Variants in DLGAP2 observed in about 807,000 individuals in gnomAD.
The protein encoded by DLGAP2 is disks large-associated protein 2.
A neutral mutation model predicts 100.3 loss-of-function variants in DLGAP2; 26 were observed. That is an observed-to-expected ratio of 0.26 (90% CI 0.19 to 0.36). The LOEUF is 0.36. Ranked by LOEUF, DLGAP2 falls within the 10% of genes least tolerant of loss-of-function variation. The pLI is 1.00. For synonymous variants in DLGAP2, 886 were observed against 630.1 expected (o/e 1.41, Z -6.08); for missense variants, 1,858 against 1,453.2 (o/e 1.28, Z -4.53).
At chr8:951,506 C>T (rs555877206) in intron 2 of DLGAP2, among the ~76,000 whole-genome samples, 1 of 152,272 alleles carries the variant, frequency 6.6e-6, no homozygotes, top group South Asian at 2.1e-4. Flanking sequence ...CCGTCTTGGC[C>T]TCCCAAAGTG....
At chr8:1,348,720 G>C (rs931406854) in intron 3 of DLGAP2, among the ~76,000 whole-genome samples, 2 of 152,246 alleles carry the variant, frequency 1.3e-5, no homozygotes, top group African/African-American at 2.4e-5. Context: ...GCTGTGCGGA[G>C]GTTGAGTGCC....
At chr8:1,059,334 C>G (rs113609880) in intron 2 of DLGAP2, among the ~76,000 whole-genome samples, 12 of 117,172 alleles carry the variant, frequency 1.0e-4, no homozygotes, top group African/African-American at 4.8e-4. Flanking sequence ...CCTGCCTTCT[C>G]CGTGGAGAAG....
At chr8:1,055,986 G>C (rs1340876495) in intron 2 of DLGAP2, among the ~76,000 whole-genome samples, 1 of 152,206 alleles carries the variant, frequency 6.6e-6, no homozygotes, top group Non-Finnish European at 1.5e-5. Context: ...GGGGGGTGTT[G>C]AGATGCAGGA....
chr8:1,473,220 C>A (rs537214764), intron 3 of DLGAP2, among the ~76,000 whole-genome samples: 1 of 152,184 alleles, frequency 6.6e-6, no homozygotes, highest in Non-Finnish European at 1.5e-5. Flanking sequence ...CGTGAGCCAC[C>A]GTGCCCAGCC....
chr8:872,828 C>T (rs1289209087), intron 1 of DLGAP2, among the ~76,000 whole-genome samples: 1 of 152,140 alleles, frequency 6.6e-6, no homozygotes, highest in Non-Finnish European at 1.5e-5. Flanking sequence ...TGTCCTCCAC[C>T]CCTGCCTCCT....
intron 3 of DLGAP2, among the ~76,000 whole-genome samples, chr8:1,442,634 T>C (rs1395492779): frequency 2.8e-5 from 4 of 144,830 alleles, no homozygotes; most frequent in African/African-American, 1.0e-4. Flanking sequence ...CAGGCTGATG[T>C]GGGTTCAGCC....
chr8:1,054,721 T>G (rs1460646021), intron 2 of DLGAP2, among the ~76,000 whole-genome samples: 3 of 152,242 alleles, frequency 2.0e-5, no homozygotes, highest in African/African-American at 7.2e-5. Flanking sequence ...TTGGAAGGTT[T>G]GATTCATGGT....
chr8:1,026,967 T>G (rs968104611), intron 2 of DLGAP2, among the ~76,000 whole-genome samples: 3 of 152,254 alleles, frequency 2.0e-5, no homozygotes, highest in Non-Finnish European at 4.4e-5. Flanking sequence ...TTAAATATCA[T>G]TTACATTGTA....
intron 3 of DLGAP2, among the ~76,000 whole-genome samples, chr8:1,358,754 A>C (rs56960430): frequency 0.092 from 13,932 of 152,096 alleles, 808 homozygotes; most frequent in East Asian, 0.22. Context: ...ACCCTGGCCT[A>C]TTCTTCTGCG....
chr8:1,186,380 T>C (rs1797505357), intron 2 of DLGAP2, among the ~76,000 whole-genome samples: 1 of 152,206 alleles, frequency 6.6e-6, no homozygotes, highest in African/African-American at 2.4e-5. Context: ...GCAGCAAAAC[T>C]GTGACCAGGC....
At chr8:1,369,923 GGAGGTGCC>G (rs1802197394) in intron 3 of DLGAP2, 1 of 152,312 alleles carries the variant, frequency 6.6e-6, no homozygotes, top group South Asian at 2.1e-4. Flanking sequence ...TGCAGCCTGA[GGAGGTGCC>G]GAGTGTGCAG....
At chr8:1,644,013 C>G (rs1423124528) in intron 8 of DLGAP2, among the ~76,000 whole-genome samples, 15 of 44,954 alleles carry the variant, frequency 3.3e-4, no homozygotes, top group African/African-American at 4.8e-4. Context: ...GTGTCACCCT[C>G]GACCCCGCCG....
At chr8:920,611 TGTG>T (rs979159920) in intron 2 of DLGAP2, among the ~76,000 whole-genome samples, 1 of 151,746 alleles carries the variant, frequency 6.6e-6, no homozygotes, top group Admixed American at 6.6e-5. Flanking sequence ...ATTAGCCAGG[TGTG>T]GTGGTGCCCG....
chr8:1,167,422 C>G (rs1173675525), intron 2 of DLGAP2, among the ~76,000 whole-genome samples: 2 of 152,130 alleles, frequency 1.3e-5, no homozygotes, highest in Non-Finnish European at 2.9e-5. Flanking sequence ...AGGGCAGAGG[C>G]TGTGTCCCCG....
At chr8:836,305 G>A (rs1796874585) in intron 1 of DLGAP2, among the ~76,000 whole-genome samples, 1 of 152,208 alleles carries the variant, frequency 6.6e-6, no homozygotes, top group Non-Finnish European at 1.5e-5. Flanking sequence ...TAGACGCTGT[G>A]CAGCCATCGG....
At position 921,252 on chromosome 8, in the gene DLGAP2, C is replaced by T. The variant is rs565081496; in HGVS notation, c.73+13286C>T. Among the ~76,000 whole-genome samples, 33 of 152,264 alleles carry T rather than the reference C, an allele frequency of 2.2e-4. No homozygotes were observed. In the South Asian group the frequency reaches 5.2e-3, roughly 24 times the overall value. On this transcript the variant is annotated intron_variant, in intron 2 of 14. Coordinates refer to ENST00000637795, the MANE Select transcript of DLGAP2 (RefSeq NM_001346810.2). ...GACTTGTTTCCCCTGATTTCCGTGG[C>T]GCACACTTTCCTGGGCTCAGGGTTT...
chr8:1,635,578 C>T (rs1275380141), intron 8 of DLGAP2, among the ~76,000 whole-genome samples: 2 of 152,130 alleles, frequency 1.3e-5, no homozygotes, highest in African/African-American at 4.8e-5. Flanking sequence ...CTGTCTAAAA[C>T]TAGCTCATGA....
At chr8:1,234,798 TG>T (rs1798608279) in intron 2 of DLGAP2, among the ~76,000 whole-genome samples, 1 of 152,206 alleles carries the variant, frequency 6.6e-6, no homozygotes, top group Non-Finnish European at 1.5e-5. Context: ...GGGCCTTTCA[TG>T]TGCCCTCAAG....
chr8:1,282,489 C>T (rs1799837611), intron 3 of DLGAP2, among the ~76,000 whole-genome samples: 1 of 127,690 alleles, frequency 7.8e-6, no homozygotes, highest in Non-Finnish European at 1.7e-5. Context: ...GACCTGAACC[C>T]AGCACGTGAA....
Sources: gnomAD v4.1 joint callset for allele counts (sites outside exome capture counted in the v4.1 genomes callset) on GRCh38, gnomAD v4.1.1 for gene constraint, MANE v1.5 for transcripts, NCBI Gene and HGNC (gene_info 2026-07-23, HGNC 2026-07-21) for gene names.